CEMIP: variants seen among roughly 807,000 people sequenced by gnomAD.
The protein encoded by CEMIP is cell migration inducing hyaluronidase 1.
CEMIP carries 105 observed loss-of-function variants against 156.9 expected under a neutral mutation model. The observed-to-expected ratio is 0.67, with a 90% CI of 0.57 to 0.79. CEMIP has a LOEUF of 0.79. Among genes scored for constraint, CEMIP ranks in the 30% least tolerant of loss-of-function variants. The pLI is 0.00. For synonymous variants in CEMIP, 676 were observed against 668.4 expected, an observed-to-expected ratio of 1.01 and a Z score of -0.17; for missense variants, 1,457 against 1,769.4, an observed-to-expected ratio of 0.82 and a Z score of 3.17.
intron 28 of CEMIP, among the ~76,000 whole-genome samples, chr15:80,945,885 C>T (rs1487550443): frequency 1.3e-5 from 2 of 152,326 alleles, no homozygotes; most frequent in African/African-American, 4.8e-5. Flanking sequence ...GAATACACCC[C>T]GAGGCAGGGG....
chr15:80,812,167 C>G (rs548747174), intron 1 of CEMIP, among the ~76,000 whole-genome samples: 16 of 152,292 alleles, frequency 1.1e-4, no homozygotes, highest in African/African-American at 3.8e-4. Flanking sequence ...GCGCATGACA[C>G]CGGGCTGGCT....
intron 19 of CEMIP, among the ~76,000 whole-genome samples, chr15:80,928,259 G>T (rs151180053): frequency 6.6e-6 from 1 of 152,206 alleles, no homozygotes; most frequent in East Asian, 1.9e-4. Flanking sequence ...TGGATTCTGT[G>T]TAATCCCTTG....
At chr15:80,871,541 A>T (rs556243410) in intron 1 of CEMIP, among the ~76,000 whole-genome samples, 1 of 152,128 alleles carries the variant, frequency 6.6e-6, no homozygotes, top group Non-Finnish European at 1.5e-5. Flanking sequence ...GAAATGTCTT[A>T]ATGAGGGTCA....
intron 1 of CEMIP, among the ~76,000 whole-genome samples, chr15:80,783,696 C>T (rs1277826744): frequency 6.6e-6 from 1 of 152,214 alleles, no homozygotes; most frequent in Non-Finnish European, 1.5e-5. Context: ...TTAATATCTG[C>T]ACCTCTTTGC....
intron 1 of CEMIP, among the ~76,000 whole-genome samples, chr15:80,837,700 T>C (rs750748942): frequency 6.6e-6 from 1 of 152,250 alleles, no homozygotes; most frequent in Non-Finnish European, 1.5e-5. Flanking sequence ...TTCTAGAGCA[T>C]CTGAACCAAG....
intron 9 of CEMIP, among the ~76,000 whole-genome samples, chr15:80,889,137 A>G (rs891105134): frequency 4.6e-5 from 7 of 152,264 alleles, no homozygotes; most frequent in Non-Finnish European, 1.0e-4. Flanking sequence ...GCCCACATGC[A>G]GGGATTGCAG....
In CEMIP at chr15:80,853,544, C is replaced by T. The variant is rs113238729; in HGVS notation, c.-175-19994C>T. 8.4e-3 allele frequency among the ~76,000 whole-genome samples: 1,286 copies of T among 152,202 alleles called. 18 individuals carry two copies. The highest frequency in any genetic ancestry group is 0.026 in the African/African-American group (1,073 of 41,518). On this transcript the variant is annotated intron_variant, in intron 1 of 29. Coordinates refer to ENST00000394685, the MANE Select transcript of CEMIP (RefSeq NM_001293298.2). The stretch of plus-strand genomic sequence containing the variant: ...GCTCAAGGCAGAGATTTGGGAAGCC[C>T]TACAATATGGTGGTCTTTGAAGCCC...
At chr15:80,825,180 T>C (rs904722876) in intron 1 of CEMIP, among the ~76,000 whole-genome samples, 1 of 152,172 alleles carries the variant, frequency 6.6e-6, no homozygotes, top group African/African-American at 2.4e-5. Context: ...CATTTATAGG[T>C]GAAGACAATA....
intron 18 of CEMIP, 80 bp downstream of exon 18, chr15:80,924,786 C>A: frequency 8.3e-7 from 1 of 1,208,906 alleles, no homozygotes; most frequent in South Asian, 1.3e-5. Flanking sequence ...ATCACTCATT[C>A]ATTCCCTGAG....
At chr15:80,852,609 T>A in intron 1 of CEMIP, among the ~76,000 whole-genome samples, 1 of 152,002 alleles carries the variant, frequency 6.6e-6, no homozygotes, top group East Asian at 1.9e-4. Context: ...TGGTTTAAAA[T>A]ATATATATAT....
intron 25 of CEMIP, 150 bp downstream of exon 25, chr15:80,938,129 C>T: frequency 7.5e-6 from 5 of 664,534 alleles, no homozygotes; most frequent in Non-Finnish European, 1.3e-5. Flanking sequence ...CTGACTGTCC[C>T]ATACATTAAC....
chr15:80,935,299 CT>C (rs1359250513), intron 23 of CEMIP, among the ~76,000 whole-genome samples: 1 of 152,312 alleles, frequency 6.6e-6, no homozygotes, highest in East Asian at 1.9e-4. Context: ...GGCATCCACA[CT>C]GTCAGCATTA....
intron 1 of CEMIP, among the ~76,000 whole-genome samples, chr15:80,823,586 ACGCCATCACTTGGGG>A (rs1207527562): frequency 6.6e-6 from 1 of 151,950 alleles, no homozygotes; most frequent in Non-Finnish European, 1.5e-5. Flanking sequence ...CAAACCACCC[ACGCCATCACTTGGGG>A]TCTCCTGTCC....
At chr15:80,883,666 G>T (rs1683192770) in intron 6 of CEMIP, among the ~76,000 whole-genome samples, 2 of 152,184 alleles carry the variant, frequency 1.3e-5, no homozygotes, top group Non-Finnish European at 2.9e-5. Context: ...GTAACTCTGT[G>T]CAAGCTGCTC....
At chr15:80,908,330 G>A (rs561147188) in intron 13 of CEMIP, among the ~76,000 whole-genome samples, 10 of 152,242 alleles carry the variant, frequency 6.6e-5, no homozygotes, top group African/African-American at 1.9e-4. Context: ...CTCCAGGGCC[G>A]CTACTACTGG....
At chr15:80,889,676 G>A in intron 10 of CEMIP, 84 bp downstream of exon 10, 2 of 1,564,762 alleles carry the variant, frequency 1.3e-6, no homozygotes, top group South Asian at 2.2e-5. Context: ...CTTGTCACTT[G>A]GGTGCTGTGA....
intron 7 of CEMIP, 89 bp downstream of exon 7, chr15:80,884,443 C>T: frequency 7.4e-7 from 1 of 1,342,870 alleles, no homozygotes; most frequent in Non-Finnish European, 1.1e-6. Flanking sequence ...ATCTCCTCTC[C>T]CCACAGCCGT....
intron 4 of CEMIP, among the ~76,000 whole-genome samples, chr15:80,879,078 G>A (rs554777557): frequency 2.0e-5 from 3 of 152,300 alleles, no homozygotes; most frequent in East Asian, 1.9e-4. Context: ...AGCACTTATC[G>A]AGAAAACTCC....
rs969747261 is a variant in CEMIP at position 80,925,549 on chromosome 15, C to A, written c.2289-75C>A. On this transcript the variant is annotated intron_variant, in intron 18 of 29. Transcript: ENST00000394685. ...GGCACTGTGAGTAGAGAGAGGCTCA[C>A]AGAGCCCAGAAGGGAGTCAGCAGAG... The A allele has an allele frequency of 3.1e-6, 5 of 1,588,946 alleles. No homozygotes were observed. The Admixed American group carries it at 8.4e-5, about 27-fold the overall frequency.
Sources: allele counts gnomAD v4.1 joint callset (sites outside exome capture counted in the v4.1 genomes callset), GRCh38; gene constraint gnomAD v4.1.1; transcripts MANE v1.5; gene names NCBI Gene and HGNC (gene_info 2026-07-23, HGNC 2026-07-21).